PKMYT1: variants seen among roughly 807,000 people sequenced by gnomAD.
PKMYT1 encodes the protein protein kinase, membrane associated tyrosine/threonine 1, also known as membrane-associated tyrosine- and threonine-specific cdc2-inhibitory kinase.
A neutral mutation model predicts 49.7 loss-of-function variants in PKMYT1; 35 were observed. The observed-to-expected ratio is 0.70, with a 90% CI of 0.54 to 0.93. The LOEUF is 0.93. Ranked by LOEUF, PKMYT1 falls within the 40% of genes least tolerant of loss-of-function variation. The probability of loss-of-function intolerance (pLI) is 0.00; values close to 1 mark genes in which losing one functional copy is unlikely to be tolerated. For synonymous variants in PKMYT1, 331 were observed against 287.6 expected (o/e 1.15, Z -1.53); for missense variants, 677 against 673.1 (o/e 1.01, Z -0.06).
At position 2,973,935 on chromosome 16, in the gene PKMYT1, C is replaced by T. The variant is rs756314786; in HGVS notation, c.1310+65G>A. ...AGTGGTCCCCATTCACCACGAATCT[C>T]CATGGAGCCCCGGTGATATCCCCCA... On this transcript the variant is annotated intron_variant, in intron 7 of 8. Coordinates refer to ENST00000262300, the MANE Select transcript of PKMYT1 (RefSeq NM_004203.5). The T allele has an allele frequency of 4.5e-6, 7 of 1,539,076 alleles. No individual in the cohort carries two copies. In the South Asian group the frequency reaches 8.2e-5, roughly 18 times the overall value.
At chr16:2,976,061 T>C (rs1439149531) in intron 3 of PKMYT1, 4 of 475,026 alleles carry the variant, frequency 8.4e-6, no homozygotes, top group African/African-American at 2.0e-5. Flanking sequence ...AGGGGACCTC[T>C]TGGATGTGTC....
In PKMYT1 at chr16:2,975,683, A is replaced by G. The variant is rs2072170883; in HGVS notation, c.508T>C (p.Cys170Arg). 6.2e-7 allele frequency: 1 copy of G among 1,610,234 alleles called. No homozygotes were observed. Among genetic ancestry groups the G allele is most frequent in the Non-Finnish European group, 8.5e-7 (1 of 1,179,890 alleles). The change falls in exon 4 of 9, where the codon TGC becomes CGC. Residue 170 changes from cysteine to arginine, a missense_variant. Cys to Arg is a radical substitution (Grantham distance 180). Coordinates refer to ENST00000262300, the MANE Select transcript of PKMYT1 (RefSeq NM_004203.5). ...SHEKVGQHPC[C>R]VRLEQAWEEG... ...TCCCAGGCCTGCTCCAGCCGCACGCAGCATGGGTGCTGCCCCACCTTCTCG... is the reference window on the plus strand; with the variant it reads ...TCCCAGGCCTGCTCCAGCCGCACGCGGCATGGGTGCTGCCCCACCTTCTCG...
rs372093888 is a variant in PKMYT1 at position 2,973,231 on chromosome 16, C to T, written c.1311-16G>A. 43 of 1,485,860 alleles carry T rather than the reference C, an allele frequency of 2.9e-5. No homozygotes were observed. Among genetic ancestry groups the T allele is most frequent in the Middle Eastern group, 1.8e-4 (1 of 5,618 alleles). 92.0% of individuals were successfully genotyped at this position (1,485,860 alleles called of 1,614,324 possible). On this transcript the variant is annotated splice_polypyrimidine_tract_variant and intron_variant, in intron 7 of 8. Coordinates refer to ENST00000262300, the MANE Select transcript of PKMYT1 (RefSeq NM_004203.5). ...GAGTGAAGGCCTGCAGGAGGGCAGGCGAGACAAGGAGGGTGTCCAGGGCTA... is the reference window on the plus strand; with the variant it reads ...GAGTGAAGGCCTGCAGGAGGGCAGGTGAGACAAGGAGGGTGTCCAGGGCTA...
intron 7 of PKMYT1, 93 bp downstream of exon 7, chr16:2,973,906 TG>T: frequency 7.4e-7 from 1 of 1,360,424 alleles, no homozygotes; most frequent in Non-Finnish European, 1.0e-6. Flanking sequence ...GCCAGGTTTG[TG>T]GGAGTGGTCC....
chr16:2,973,954 T>A, intron 7 of PKMYT1, 46 bp downstream of exon 7: 2 of 1,581,404 alleles, frequency 1.3e-6, no homozygotes, highest in Non-Finnish European at 1.7e-6. Context: ...CCCGGTGATA[T>A]CCCCCACCTT....
At chr16:2,979,517 G>A (rs1336576858) in intron 2 of PKMYT1, 131 bp downstream of exon 2, 8 of 749,962 alleles carry the variant, frequency 1.1e-5, no homozygotes, top group Non-Finnish European at 1.2e-5. Flanking sequence ...TCCAAGTCAG[G>A]AGCCAGGGTG....
intron 3 of PKMYT1, chr16:2,976,019 C>T (rs993169026): frequency 1.7e-5 from 10 of 594,396 alleles, no homozygotes; most frequent in South Asian, 4.7e-5. Context: ...GACCCAGCGA[C>T]GGAGGAGCCA....
chr16:2,979,154 G>C (rs138436289), intron 2 of PKMYT1, among the ~76,000 whole-genome samples: 1,677 of 151,642 alleles, frequency 0.011, 31 homozygotes, highest in African/African-American at 0.038. Flanking sequence ...GGCCTACATG[G>C]TGAAACCCCA....
chr16:2,979,509 C>T, intron 2 of PKMYT1, 139 bp downstream of exon 2: 1 of 720,740 alleles, frequency 1.4e-6, no homozygotes, highest in South Asian at 1.6e-5. Context: ...AGGGTTTCTC[C>T]AAGTCAGGAG....
At position 2,975,722 on chromosome 16, in the gene PKMYT1, C is replaced by T. The variant is rs547455847; in HGVS notation, c.469G>A (p.Glu157Lys). The change falls in exon 4 of 9, where the codon GAG (glutamate) becomes AAG (lysine). Residue 157 changes from glutamate to lysine, a missense_variant. Transcript: ENST00000262300. The part of the protein sequence containing the change: ...GPKDRARKLA[E>K]VGSHEKVGQH... ...CCCACCTTCTCGTGGCTGCCCACCT[C>T]GGCCAACTTGCGGGCCCGGTCCTTG... is the stretch of plus-strand genomic sequence containing the variant. 1.9e-6 allele frequency: 3 copies of T among 1,605,610 alleles called. No individual in the cohort carries two copies. Among genetic ancestry groups the T allele is most frequent in the African/African-American group, 1.3e-5 (1 of 75,070 alleles).
At chr16:2,976,518 A>T in intron 3 of PKMYT1, 146 bp downstream of exon 3, 2 of 736,196 alleles carry the variant, frequency 2.7e-6, no homozygotes, top group Non-Finnish European at 3.9e-6. Flanking sequence ...GCCAAGTCAA[A>T]TGTGGAGGGA....
intron 2 of PKMYT1, chr16:2,977,475 A>C (rs528426182): frequency 2.0e-6 from 2 of 995,906 alleles, no homozygotes; most frequent in East Asian, 1.1e-4. Flanking sequence ...TTTCTTTTTC[A>C]TAACTGTCGT....
Position 2,974,160 on chromosome 16 carries a change from G to A in PKMYT1, c.1153-3C>T, listed in dbSNP as rs762030715. The A allele has an allele frequency of 1.3e-6, 2 of 1,596,182 alleles. No homozygotes were observed. Among genetic ancestry groups the A allele is most frequent in the African/African-American group, 1.3e-5 (1 of 74,720 alleles). On this transcript the variant is annotated splice_region_variant and splice_polypyrimidine_tract_variant and intron_variant, in intron 6 of 8. Coordinates refer to ENST00000262300, the MANE Select transcript of PKMYT1 (RefSeq NM_004203.5). ...CAGCAGAGCAGGGCAAGCAGGGCCT[G>A]TGGGGGAGAGGAGCTCAGGATGTGG...
chr16:2,973,235 A>G lies in PKMYT1; in HGVS notation c.1311-20T>C. 6.7e-7 allele frequency: 1 copy of G among 1,484,630 alleles called. No individual in the cohort carries two copies. Among genetic ancestry groups the G allele is most frequent in the Non-Finnish European group, 9.0e-7 (1 of 1,113,600 alleles). The allele number at this position is 1,484,630 out of a possible 1,614,324, so 92.0% of individuals were successfully genotyped here. Reference sequence around the variant, plus strand: ...GAAGGCCTGCAGGAGGGCAGGCGAGACAAGGAGGGTGTCCAGGGCTAGGGA... The same window carrying G: ...GAAGGCCTGCAGGAGGGCAGGCGAGGCAAGGAGGGTGTCCAGGGCTAGGGA... On this transcript the variant is annotated intron_variant, in intron 7 of 8. Coordinates refer to ENST00000262300, the MANE Select transcript of PKMYT1 (RefSeq NM_004203.5).
chr16:2,976,670 G>A lies in PKMYT1; in HGVS notation c.372C>T (p.Val124=). ...SRLGHGSYGE[V]FKVRSKEDGR... The stretch of plus-strand genomic sequence containing the variant: ...AAGCCGTCCCCTCACTCACCTTGAA[G>A]ACCTCTCCGTAGGAGCCATGGCCCA... The change falls in exon 3 of 9, where the codon GTC becomes GTT. Residue 124 remains valine, a synonymous_variant. Coordinates refer to ENST00000262300, the MANE Select transcript of PKMYT1 (RefSeq NM_004203.5). 1 of 1,465,542 alleles carries A rather than the reference G, an allele frequency of 6.8e-7. No homozygotes were observed. The highest frequency in any genetic ancestry group is 1.4e-5 in the African/African-American group (1 of 71,010). The allele number at this position is 1,465,542 out of a possible 1,614,324, so 90.8% of individuals were successfully genotyped here. A position where few individuals can be genotyped will look rare whatever the true frequency, so the allele number is the denominator to read the frequency against.
In PKMYT1 at chr16:2,975,510, C is replaced by T. The variant is rs1222077366; in HGVS notation, c.681G>A (p.Gln227=). ...TLLALAHLHS[Q]GLVHLDVKPA... ...GCTTGACATCAAGGTGCACCAGGCC[C>T]TGGCTGTGCAGATGGGCCAGGGCAA... Residue 227 remains glutamine, a synonymous_variant, in exon 4 of 9, where the codon CAG becomes CAA. Coordinates refer to ENST00000262300, the MANE Select transcript of PKMYT1 (RefSeq NM_004203.5). 2 of 1,612,616 alleles carry T rather than the reference C, an allele frequency of 1.2e-6. No homozygotes were observed. The highest frequency in any genetic ancestry group is 2.2e-5 in the East Asian group (1 of 44,902).
rs1280568607 is a variant in PKMYT1, at chr16:2,972,822, G to T, written c.*131C>A. ...CATGAGCAAGCTTGGGTGCTCCCAA[G>T]GTTCAAATACTTTTTATTAGACACG... On this transcript the variant is annotated 3_prime_UTR_variant, in exon 9 of 9. Transcript: ENST00000262300. 2 of 1,537,306 alleles carry T rather than the reference G, an allele frequency of 1.3e-6. No homozygotes were observed. Among genetic ancestry groups the T allele is most frequent in the Non-Finnish European group, 1.8e-6 (2 of 1,138,810 alleles).
Position 2,976,831 on chromosome 16 carries a change from T to C in PKMYT1, c.211A>G (p.Thr71Ala). 1 of 1,561,220 alleles carries C rather than the reference T, an allele frequency of 6.4e-7. No individual in the cohort carries two copies. Among genetic ancestry groups the C allele is most frequent in the Non-Finnish European group, 8.7e-7 (1 of 1,152,306 alleles). The change falls in exon 3 of 9, where the codon ACC (threonine) becomes GCC (alanine). Residue 71 changes from threonine (T) to alanine (A), a missense_variant. Transcript: ENST00000262300. The stretch of plus-strand genomic sequence containing the variant: ...GGCTGCAGCTGGTGCCAGCCTGGGG[T>C]CCGAGGAGGGAAGAGGCGGCTGATG... Reference protein sequence around the residue: ...IPISRLFPPRTPGWHQLQPRR... With the variant: ...IPISRLFPPRAPGWHQLQPRR...
chr16:2,979,342 A>C (rs2072282348), intron 2 of PKMYT1: 1 of 283,516 alleles, frequency 3.5e-6, no homozygotes, highest in Non-Finnish European at 6.6e-6. Flanking sequence ...TCAAAAAAAT[A>C]TACATAATAG....
Sources: allele counts gnomAD v4.1 joint callset (sites outside exome capture counted in the v4.1 genomes callset), GRCh38; gene constraint gnomAD v4.1.1; transcripts MANE v1.5; gene names NCBI Gene and HGNC (gene_info 2026-07-23, HGNC 2026-07-21).